Variants in TAS2R1 observed in about 807,000 individuals in gnomAD.
TAS2R1 encodes the protein taste receptor type 2 member 1.
For synonymous variants in TAS2R1, 141 were observed against 134.2 expected (o/e 1.05, Z -0.35); for missense variants, 370 against 353.4 (o/e 1.05, Z -0.38).
the TAS2R1 span, among the ~76,000 whole-genome samples, chr5:9,785,794 C>T: frequency 1.9e-4 from 29 of 152,250 alleles, no homozygotes; most frequent in Middle Eastern, 3.4e-3. Flanking sequence ...AGACTGAGGA[C>T]TCAAACCCTG....
chr5:9,839,035 C>T, the TAS2R1 span, among the ~76,000 whole-genome samples: 1 of 152,198 alleles, frequency 6.6e-6, no homozygotes, highest in Non-Finnish European at 1.5e-5. Flanking sequence ...AAGTCAAATC[C>T]TTGACTCAGG....
the TAS2R1 span, among the ~76,000 whole-genome samples, chr5:9,860,902 C>A: frequency 4.0e-5 from 6 of 151,652 alleles, no homozygotes; most frequent in African/African-American, 1.5e-4. Context: ...TGCAGCAAGA[C>A]GATCTAAGCA....
chr5:9,728,924 G>A, the TAS2R1 span, among the ~76,000 whole-genome samples: 1 of 152,224 alleles, frequency 6.6e-6, no homozygotes, highest in African/African-American at 2.4e-5. Context: ...GGACTGAAGA[G>A]GCTTCCCTGA....
the TAS2R1 span, among the ~76,000 whole-genome samples, chr5:9,797,649 C>G: frequency 2.0e-5 from 3 of 152,020 alleles, no homozygotes; most frequent in African/African-American, 7.2e-5. Context: ...GACTTAAATC[C>G]CAGGAATCAG....
At chr5:9,706,240 G>C (rs74327182) in intron 1 of TAS2R1, among the ~76,000 whole-genome samples, 1,531 of 152,216 alleles carry the variant, frequency 0.01, 30 homozygotes, top group African/African-American at 0.035. Flanking sequence ...CCACTTTTCA[G>C]GAGTGTTGAG....
intron 1 of TAS2R1, among the ~76,000 whole-genome samples, chr5:9,669,039 C>G (rs1019907207): frequency 2.6e-5 from 4 of 152,184 alleles, no homozygotes; most frequent in Non-Finnish European, 5.9e-5. Context: ...TAATGACACT[C>G]ATAGGCTCAA....
chr5:9,892,396 T>A, the TAS2R1 span, among the ~76,000 whole-genome samples: 1 of 152,200 alleles, frequency 6.6e-6, no homozygotes, highest in African/African-American at 2.4e-5. Context: ...GGTTATCATG[T>A]TTTTCTTCCC....
rs1739784366 is a variant in TAS2R1, at chr5:9,627,882, C to T, written c.*1251G>A. ...CAAGAAGATAAGTACGTCCCTGAAT[C>T]TCCTGAAGCAAAATCCTTCATTGGT... On this transcript the variant is annotated 3_prime_UTR_variant, in exon 1 of 1. Transcript: ENST00000382492. 6.6e-6 allele frequency among the ~76,000 whole-genome samples: 1 copy of T among 152,134 alleles called. No homozygotes were observed. The highest frequency in any genetic ancestry group is 2.4e-5 in the African/African-American group (1 of 41,418).
At chr5:9,661,441 A>C (rs753298298) in intron 1 of TAS2R1, among the ~76,000 whole-genome samples, 2 of 152,158 alleles carry the variant, frequency 1.3e-5, no homozygotes, top group African/African-American at 4.8e-5. Context: ...TCTGACATTA[A>C]AGGTGGTTTC....
intron 1 of TAS2R1, among the ~76,000 whole-genome samples, chr5:9,660,520 G>A (rs937520150): frequency 2.0e-5 from 3 of 152,032 alleles, no homozygotes; most frequent in African/African-American, 7.2e-5. Flanking sequence ...GACTAACATG[G>A]GAAATGAAAC....
the TAS2R1 span, among the ~76,000 whole-genome samples, chr5:9,800,848 T>C: frequency 6.6e-6 from 1 of 152,202 alleles, no homozygotes; most frequent in Non-Finnish European, 1.5e-5. Context: ...GATAATTACA[T>C]TTAAATAAGG....
At chr5:9,885,503 A>G in the TAS2R1 span, among the ~76,000 whole-genome samples, 1 of 152,220 alleles carries the variant, frequency 6.6e-6, no homozygotes, top group African/African-American at 2.4e-5. Context: ...ACATTGCTCT[A>G]ATTGACTCTG....
At chr5:9,750,179 C>CA in the TAS2R1 span, among the ~76,000 whole-genome samples, 1 of 152,188 alleles carries the variant, frequency 6.6e-6, no homozygotes, top group Non-Finnish European at 1.5e-5. Flanking sequence ...GGCCTGGCTG[C>CA]ACCCCTCTAC....
chr5:9,780,209 C>CCCCT, the TAS2R1 span, among the ~76,000 whole-genome samples: 2,470 of 152,318 alleles, frequency 0.016, 61 homozygotes, highest in African/African-American at 0.054. Context: ...CAGCTCTCTG[C>CCCCT]CCCTGTACAG....
the TAS2R1 span, among the ~76,000 whole-genome samples, chr5:9,780,320 C>G: frequency 6.6e-6 from 1 of 152,218 alleles, no homozygotes; most frequent in African/African-American, 2.4e-5. Context: ...CCATCACCAG[C>G]CCTCCACTGC....
chr5:9,748,007 G>A, the TAS2R1 span, among the ~76,000 whole-genome samples: 6 of 152,214 alleles, frequency 3.9e-5, no homozygotes, highest in Admixed American at 3.3e-4. Flanking sequence ...ATGGGATGGA[G>A]TGAGGAAAGA....
the TAS2R1 span, among the ~76,000 whole-genome samples, chr5:9,828,117 T>A: frequency 2.0e-5 from 3 of 152,116 alleles, no homozygotes; most frequent in East Asian, 1.9e-4. Flanking sequence ...AGGTCTTTTT[T>A]ATTTTTATTT....
chr5:9,900,966 T>C, the TAS2R1 span, among the ~76,000 whole-genome samples: 2 of 152,160 alleles, frequency 1.3e-5, no homozygotes, highest in African/African-American at 4.8e-5. Flanking sequence ...GAACAGACCC[T>C]GTCTGAGAAG....
chr5:9,711,980 T>G (rs575493084), intron 1 of TAS2R1, among the ~76,000 whole-genome samples: 2 of 148,598 alleles, frequency 1.3e-5, no homozygotes, highest in East Asian at 3.9e-4. Context: ...GTTCAACGTT[T>G]TTTTTTTTTC....
Sources: allele counts gnomAD v4.1 joint callset (sites outside exome capture counted in the v4.1 genomes callset), GRCh38; gene constraint gnomAD v4.1.1; transcripts MANE v1.5; gene names NCBI Gene and HGNC (gene_info 2026-07-23, HGNC 2026-07-21).